TSPAN12: variants seen among roughly 807,000 people sequenced by gnomAD.
TSPAN12 encodes tetraspanin 12, also known as tetraspanin-12.
TSPAN12 carries 19 observed loss-of-function variants against 39.2 expected under a neutral mutation model. That is an observed-to-expected ratio of 0.49 (90% CI 0.34 to 0.71). TSPAN12 has a LOEUF of 0.71. TSPAN12 is among the 30% of genes least tolerant of loss of function. The probability of loss-of-function intolerance (pLI) is 0.01; values close to 1 mark genes in which losing one functional copy is unlikely to be tolerated. For synonymous variants in TSPAN12, 119 were observed against 124.8 expected (o/e 0.95, Z 0.31); for missense variants, 314 against 359.9 (o/e 0.87, Z 1.03).
chr7:120,824,265 T>C (rs562769977), intron 4 of TSPAN12, among the ~76,000 whole-genome samples: 1 of 142,430 alleles, frequency 7.0e-6, no homozygotes, highest in East Asian at 2.0e-4. Flanking sequence ...ACCCCATCTC[T>C]ACTAAAAATG....
At chr7:120,858,192 T>C (rs1443211844), upstream of TSPAN12, 2 of 152,246 alleles carry the variant, frequency 1.3e-5, no homozygotes, top group Non-Finnish European at 1.5e-5. Context: ...GGGTGTTTCT[T>C]GTCCCTCTCA....
intron 2 of TSPAN12, among the ~76,000 whole-genome samples, chr7:120,848,088 C>T (rs934021428): frequency 3.3e-5 from 5 of 152,170 alleles, no homozygotes; most frequent in Admixed American, 3.3e-4. Flanking sequence ...TCCTGCAGTG[C>T]CTTCTGCCTG....
chr7:120,857,703 G>C (rs1235544314), intron 1 of TSPAN12, 117 bp downstream of exon 1: 1 of 152,168 alleles, frequency 6.6e-6, no homozygotes, highest in African/African-American at 2.4e-5. Context: ...GGGAAGCGCC[G>C]GCGGCAGGGA....
At chr7:120,854,417 G>A (rs1034342388) in intron 2 of TSPAN12, among the ~76,000 whole-genome samples, 2 of 152,154 alleles carry the variant, frequency 1.3e-5, no homozygotes, top group African/African-American at 4.8e-5. Flanking sequence ...CTGCAATACT[G>A]CTATTGCAGA....
At chr7:120,844,296 C>T (rs1489022319) in intron 2 of TSPAN12, among the ~76,000 whole-genome samples, 1 of 152,128 alleles carries the variant, frequency 6.6e-6, no homozygotes, top group East Asian at 1.9e-4. Flanking sequence ...CAACCCCTGG[C>T]CCCTCCCAAA....
At chr7:120,832,200 C>G (rs1395784356) in intron 4 of TSPAN12, among the ~76,000 whole-genome samples, 1 of 152,180 alleles carries the variant, frequency 6.6e-6, no homozygotes, top group Admixed American at 6.5e-5. Flanking sequence ...AGTTCATACC[C>G]TTATCCATGG....
intron 2 of TSPAN12, among the ~76,000 whole-genome samples, chr7:120,846,297 T>C (rs538713444): frequency 1.3e-5 from 2 of 152,294 alleles, no homozygotes; most frequent in Admixed American, 1.3e-4. Context: ...TTTTATTTCA[T>C]TATCTAAAAT....
intron 4 of TSPAN12, among the ~76,000 whole-genome samples, chr7:120,822,366 C>G (rs1794204196): frequency 6.6e-6 from 1 of 151,936 alleles, no homozygotes; most frequent in South Asian, 2.1e-4. Flanking sequence ...CTAAAGAAAG[C>G]AGATTCAACA....
intron 5 of TSPAN12, 74 bp downstream of exon 5, chr7:120,815,655 G>C: frequency 5.3e-6 from 7 of 1,324,920 alleles, no homozygotes; most frequent in Non-Finnish European, 7.5e-6. Flanking sequence ...GAGTGAAAAT[G>C]AACTAACACA....
intron 4 of TSPAN12, among the ~76,000 whole-genome samples, chr7:120,836,710 T>G (rs1794483667): frequency 6.6e-6 from 1 of 152,198 alleles, no homozygotes; most frequent in Non-Finnish European, 1.5e-5. Context: ...ATTAGTGGCC[T>G]TTAGAACCTC....
intron 4 of TSPAN12, among the ~76,000 whole-genome samples, chr7:120,836,653 G>C (rs1794482704): frequency 6.6e-6 from 1 of 152,126 alleles, no homozygotes; most frequent in African/African-American, 2.4e-5. Context: ...GCAAAAATTG[G>C]TGGTATACAT....
intron 2 of TSPAN12, among the ~76,000 whole-genome samples, chr7:120,844,751 T>G (rs1178414699): frequency 6.6e-6 from 1 of 152,192 alleles, no homozygotes; most frequent in African/African-American, 2.4e-5. Context: ...AGGCTGCCAT[T>G]GAGTGCCTGA....
chr7:120,844,748 C>T (rs1395653159), intron 2 of TSPAN12, among the ~76,000 whole-genome samples: 2 of 152,188 alleles, frequency 1.3e-5, no homozygotes, highest in Non-Finnish European at 2.9e-5. Flanking sequence ...CACAGGCTGC[C>T]ATTGAGTGCC....
At chr7:120,855,099 T>C (rs1794846335) in intron 2 of TSPAN12, among the ~76,000 whole-genome samples, 1 of 152,212 alleles carries the variant, frequency 6.6e-6, no homozygotes, top group South Asian at 2.1e-4. Flanking sequence ...GGTTCTTTTT[T>C]CCCACACAAT....
At chr7:120,789,000 A>T in intron 7 of TSPAN12, 103 bp from the exon 8 acceptor site, 1 of 1,181,976 alleles carries the variant, frequency 8.5e-7, no homozygotes, top group Non-Finnish European at 1.2e-6. Flanking sequence ...AAATCAGACT[A>T]ACTGGGATCA....
chr7:120,818,698 T>A (rs547709270), intron 4 of TSPAN12, among the ~76,000 whole-genome samples: 2 of 152,142 alleles, frequency 1.3e-5, no homozygotes, highest in Non-Finnish European at 2.9e-5. Flanking sequence ...TCAAAATAAG[T>A]GTTGGTTCAA....
chr7:120,853,400 T>C (rs1794806733), intron 2 of TSPAN12, among the ~76,000 whole-genome samples: 4 of 150,660 alleles, frequency 2.7e-5, no homozygotes, highest in African/African-American at 4.9e-5. Context: ...CCTCAACAGA[T>C]ATTTTTAATT....
At chr7:120,817,523 A>G (rs1279267289) in intron 4 of TSPAN12, among the ~76,000 whole-genome samples, 1 of 152,192 alleles carries the variant, frequency 6.6e-6, no homozygotes, top group Non-Finnish European at 1.5e-5. Context: ...TCACTCAAGA[A>G]TCCTGTGAAA....
chr7:120,823,870 A>G (rs1794233366), intron 4 of TSPAN12, among the ~76,000 whole-genome samples: 1 of 152,202 alleles, frequency 6.6e-6, no homozygotes, highest in Admixed American at 6.5e-5. Flanking sequence ...AAAAGTAAAA[A>G]CAAAATTAAA....
Sources: allele counts gnomAD v4.1 joint callset (sites outside exome capture counted in the v4.1 genomes callset), GRCh38; gene constraint gnomAD v4.1.1; transcripts MANE v1.5; gene names NCBI Gene and HGNC (gene_info 2026-07-23, HGNC 2026-07-21).